LRRIQ1: variants seen among roughly 807,000 people sequenced by gnomAD.
LRRIQ1 encodes leucine rich repeats and IQ motif containing 1.
A neutral mutation model predicts 211.9 loss-of-function variants in LRRIQ1; 210 were observed. That is an observed-to-expected ratio of 0.99 (90% confidence interval 0.89 to 1.11). LRRIQ1 has a LOEUF of 1.11. Among genes scored for constraint, LRRIQ1 ranks in the 50% most tolerant of loss-of-function variants. The pLI is 0.00. For missense variants in LRRIQ1, 2,136 were observed against 1,939.5 expected, an observed-to-expected ratio of 1.10 and a Z score of -1.90; for synonymous variants, 699 against 650.1, an observed-to-expected ratio of 1.08 and a Z score of -1.14.
At chr12:85,198,815 G>A (rs1400813518) in intron 24 of LRRIQ1, among the ~76,000 whole-genome samples, 1 of 152,028 alleles carries the variant, frequency 6.6e-6, no homozygotes, top group South Asian at 2.1e-4. Flanking sequence ...TGATCCACCC[G>A]CCTTGGCCTC....
intron 26 of LRRIQ1, among the ~76,000 whole-genome samples, chr12:85,237,910 A>G (rs1895267163): frequency 6.6e-6 from 1 of 152,122 alleles, no homozygotes; most frequent in South Asian, 2.1e-4. Context: ...TAATCCTTCA[A>G]AGCAGCAGGA....
chr12:85,185,400 CTT>C (rs1182902584), intron 24 of LRRIQ1, among the ~76,000 whole-genome samples: 1 of 151,732 alleles, frequency 6.6e-6, no homozygotes, highest in Non-Finnish European at 1.5e-5. Context: ...ACATCAAACT[CTT>C]GATTTGCTTC....
chr12:85,184,946 GC>G (rs1158017834), intron 24 of LRRIQ1, among the ~76,000 whole-genome samples: 1 of 151,896 alleles, frequency 6.6e-6, no homozygotes, highest in African/African-American at 2.4e-5. Flanking sequence ...TTGACACTTA[GC>G]CTGAGCTATT....
At chr12:85,065,152 A>C in intron 8 of LRRIQ1, 110 bp from the exon 9 acceptor site, 2 of 863,566 alleles carry the variant, frequency 2.3e-6, no homozygotes, top group Non-Finnish European at 3.4e-6. Context: ...TTCAACATAT[A>C]GTATTACTTT....
At chr12:85,049,121 A>G (rs1246746561) in intron 6 of LRRIQ1, among the ~76,000 whole-genome samples, 1 of 152,202 alleles carries the variant, frequency 6.6e-6, no homozygotes, top group Non-Finnish European at 1.5e-5. Context: ...CTTGGAGCTT[A>G]AAAGTTTCCA....
intron 24 of LRRIQ1, among the ~76,000 whole-genome samples, chr12:85,227,658 A>T (rs938490661): frequency 1.3e-5 from 2 of 152,084 alleles, no homozygotes; most frequent in African/African-American, 4.8e-5. Flanking sequence ...CTTCACAGAA[A>T]TGGAAAAACC....
intron 15 of LRRIQ1, among the ~76,000 whole-genome samples, chr12:85,115,976 A>G (rs1184944170): frequency 1.3e-5 from 2 of 152,178 alleles, no homozygotes; most frequent in Non-Finnish European, 2.9e-5. Flanking sequence ...TGTATTTGAA[A>G]TGTACTCTCT....
chr12:85,049,013 T>G (rs1353479300), intron 6 of LRRIQ1, among the ~76,000 whole-genome samples: 1 of 152,210 alleles, frequency 6.6e-6, no homozygotes, highest in African/African-American at 2.4e-5. Context: ...TATAACTTAT[T>G]TTTTTGAAAC....
rs558126524 is a variant in LRRIQ1, at chr12:85,117,608, A to G, written c.3378-4089A>G. ...CAGACAAAAATCTGCTTGGCATCCA[A>G]AGAATTAGAATAAACTGTGGGTTAT... On this transcript the variant is annotated intron_variant, in intron 15 of 26. Coordinates refer to ENST00000393217, the MANE Select transcript of LRRIQ1 (RefSeq NM_001079910.2). 2.0e-3 allele frequency among the ~76,000 whole-genome samples: 297 copies of G among 152,248 alleles called. 2 individuals carry two copies. The highest frequency in any genetic ancestry group is 6.8e-3 in the African/African-American group (283 of 41,552).
At chr12:85,219,498 A>G (rs1894301100) in intron 24 of LRRIQ1, among the ~76,000 whole-genome samples, 1 of 152,116 alleles carries the variant, frequency 6.6e-6, no homozygotes, top group African/African-American at 2.4e-5. Context: ...AAGGTTATTC[A>G]TACACTTTAT....
chr12:85,220,969 A>T (rs979537764), intron 24 of LRRIQ1, among the ~76,000 whole-genome samples: 2 of 151,560 alleles, frequency 1.3e-5, no homozygotes, highest in Non-Finnish European at 2.9e-5. Flanking sequence ...AATACCACAC[A>T]CCCGGCTAAT....
At chr12:85,253,896 T>G (rs562515201) in intron 1 of LRRIQ1, among the ~76,000 whole-genome samples, 1 of 152,220 alleles carries the variant, frequency 6.6e-6, no homozygotes, top group African/African-American at 2.4e-5. Context: ...ATATATCTGC[T>G]GATGTAGTTT....
At chr12:85,134,315 T>C (rs1287247870) in intron 18 of LRRIQ1, among the ~76,000 whole-genome samples, 1 of 152,080 alleles carries the variant, frequency 6.6e-6, no homozygotes, top group African/African-American at 2.4e-5. Flanking sequence ...CTATTTAAAA[T>C]AGCAATACCT....
intron 11 of LRRIQ1, among the ~76,000 whole-genome samples, chr12:85,094,011 C>T (rs769787535): frequency 9.9e-5 from 15 of 152,262 alleles, no homozygotes; most frequent in Non-Finnish European, 1.5e-4. Flanking sequence ...CTTGAGACTG[C>T]AAATGATGGT....
intron 19 of LRRIQ1, among the ~76,000 whole-genome samples, chr12:85,141,426 G>T (rs1889523974): frequency 6.6e-6 from 1 of 150,894 alleles, no homozygotes; most frequent in African/African-American, 2.4e-5. Flanking sequence ...TCATACTTCG[G>T]GGCTGTGTTT....
At chr12:85,054,845 G>A (rs1368621628) in intron 7 of LRRIQ1, among the ~76,000 whole-genome samples, 1 of 151,922 alleles carries the variant, frequency 6.6e-6, no homozygotes, top group Non-Finnish European at 1.5e-5. Flanking sequence ...TCCTTCTGCT[G>A]ATTAAAATAT....
At chr12:85,259,524 C>G (rs1896223859) in intron 1 of LRRIQ1, among the ~76,000 whole-genome samples, 1 of 151,960 alleles carries the variant, frequency 6.6e-6, no homozygotes, top group Admixed American at 6.6e-5. Flanking sequence ...TATATGATAA[C>G]AAAAAACTCT....
rs143018718 is a variant in LRRIQ1, at chr12:85,092,799, G to T, written c.2888-5556G>T. On this transcript the variant is annotated intron_variant, in intron 11 of 26. Coordinates refer to ENST00000393217, the MANE Select transcript of LRRIQ1 (RefSeq NM_001079910.2). ...CCACCACTTTATCAAACGTGCCTGC[G>T]CCGACGGCATCATTCTTAGAGACTA... 7.2e-4 allele frequency among the ~76,000 whole-genome samples: 109 copies of T among 152,242 alleles called. No individual in the cohort carries two copies. In the East Asian group the frequency reaches 9.7e-3, roughly 13 times the overall value.
At chr12:85,251,950 T>G (rs1207605191) in intron 1 of LRRIQ1, among the ~76,000 whole-genome samples, 1 of 151,912 alleles carries the variant, frequency 6.6e-6, no homozygotes, top group Non-Finnish European at 1.5e-5. Context: ...AAACTCAAAC[T>G]TTTCTCTGTG....
Sources: allele counts gnomAD v4.1 joint callset (sites outside exome capture counted in the v4.1 genomes callset), GRCh38; gene constraint gnomAD v4.1.1; transcripts MANE v1.5; gene names NCBI Gene and HGNC (gene_info 2026-07-23, HGNC 2026-07-21).